Variants in PCNX1 observed in about 807,000 individuals in gnomAD.
The protein encoded by PCNX1 is pecanex-like protein 1.
Under a neutral mutation model 242.2 loss-of-function variants are expected in PCNX1, and 78 were observed. The ratio of observed to expected loss-of-function variants is 0.32; its 90% CI spans 0.27 to 0.39. The LOEUF is 0.39. Among genes scored for constraint, PCNX1 ranks in the 10% least tolerant of loss-of-function variants. PCNX1 has a pLI of 1.00. For missense variants in PCNX1, 2,581 were observed against 2,856.5 expected, an observed-to-expected ratio of 0.90 and a Z score of 2.20; for synonymous variants, 1,024 against 1,032.9, an observed-to-expected ratio of 0.99 and a Z score of 0.17.
Position 71,110,686 on chromosome 14 carries a change from C to A in PCNX1, c.*751C>A, listed in dbSNP as rs2062737968. The A allele has an allele frequency of 1.3e-5, 2 of 152,260 alleles. No individual in the cohort carries two copies. Among genetic ancestry groups the A allele is most frequent in the Admixed American group, 6.6e-5 (1 of 15,262 alleles). The allele number at this position is 152,260 out of a possible 1,614,324, so 9.4% of individuals were successfully genotyped here. ...TTCATGCCAGGACATTGGGTATTTTCTTTAAAGTGAATATAGAATCTCAAG... is the reference window on the plus strand; with the variant it reads ...TTCATGCCAGGACATTGGGTATTTTATTTAAAGTGAATATAGAATCTCAAG... On this transcript the variant is annotated 3_prime_UTR_variant, in exon 36 of 36. Coordinates refer to ENST00000304743, the MANE Select transcript of PCNX1 (RefSeq NM_014982.3).
chr14:71,031,750 A>G (rs2060390571), intron 16 of PCNX1: 1 of 1,248,376 alleles, frequency 8.0e-7, no homozygotes, highest in Non-Finnish European at 1.2e-6. Flanking sequence ...CACATCAACG[A>G]CATTTTTGGG....
intron 2 of PCNX1, among the ~76,000 whole-genome samples, chr14:70,949,414 TGTACATATATAC>T (rs2057684456): frequency 6.6e-6 from 1 of 151,480 alleles, no homozygotes; most frequent in Non-Finnish European, 1.5e-5. Context: ...TACATATATA[TGTACATATATAC>T]ACGTATATAT....
At chr14:71,103,008 T>A (rs1334363870) in intron 31 of PCNX1, among the ~76,000 whole-genome samples, 1 of 152,238 alleles carries the variant, frequency 6.6e-6, no homozygotes, top group Non-Finnish European at 1.5e-5. Flanking sequence ...TTTATAGTTA[T>A]TTTTTAAATT....
chr14:70,994,992 GT>G (rs1159383417), intron 7 of PCNX1, among the ~76,000 whole-genome samples: 1 of 152,086 alleles, frequency 6.6e-6, no homozygotes, highest in Non-Finnish European at 1.5e-5. Flanking sequence ...ATGGATCCAT[GT>G]AAATGAGACT....
Position 71,110,700 on chromosome 14 carries a change from T to C in PCNX1, c.*765T>C, listed in dbSNP as rs576776053. The C allele has an allele frequency of 2.0e-4, 31 of 152,520 alleles. No individual in the cohort carries two copies. The highest frequency in any genetic ancestry group is 5.3e-4 in the African/African-American group (22 of 41,578). 9.4% of individuals were successfully genotyped at this position (152,520 alleles called of 1,614,324 possible). A position where few individuals can be genotyped will look rare whatever the true frequency, so the allele number is the denominator to read the frequency against. ...TTGGGTATTTTCTTTAAAGTGAATA[T>C]AGAATCTCAAGATATACGTAGCTTC... On this transcript the variant is annotated 3_prime_UTR_variant, in exon 36 of 36. Coordinates refer to ENST00000304743, the MANE Select transcript of PCNX1 (RefSeq NM_014982.3).
chr14:71,070,669 G>A (rs1341663606), intron 26 of PCNX1, among the ~76,000 whole-genome samples: 2 of 152,128 alleles, frequency 1.3e-5, no homozygotes, highest in Admixed American at 1.3e-4. Context: ...AGTAAACCAT[G>A]CTATAAACAG....
chr14:70,928,277 A>T (rs918693040), intron 1 of PCNX1, among the ~76,000 whole-genome samples: 1 of 152,234 alleles, frequency 6.6e-6, no homozygotes. Context: ...TTAAAACAAT[A>T]ACCTAGCTGC....
At chr14:71,005,204 A>T (rs2059618636) in intron 8 of PCNX1, among the ~76,000 whole-genome samples, 2 of 152,154 alleles carry the variant, frequency 1.3e-5, no homozygotes. Context: ...AAAATGAGTG[A>T]TGTCAAGAAT....
At chr14:71,067,961 G>GT (rs1414361716) in intron 26 of PCNX1, among the ~76,000 whole-genome samples, 7 of 151,890 alleles carry the variant, frequency 4.6e-5, no homozygotes, top group Non-Finnish European at 1.0e-4. Context: ...TTTCTAATTA[G>GT]TTGTAGCACA....
intron 1 of PCNX1, among the ~76,000 whole-genome samples, chr14:70,937,923 T>G (rs1421372660): frequency 1.3e-5 from 2 of 152,224 alleles, no homozygotes; most frequent in African/African-American, 4.8e-5. Flanking sequence ...ATTCATGATT[T>G]GGCTCTCTGT....
At position 71,076,274 on chromosome 14, in the gene PCNX1, C is replaced by T; in HGVS notation, c.5192C>T (p.Ala1731Val). ...ETMQEGLRLC[A>V]DRNYVDVDPT... Reference sequence around the variant, plus strand: ...ATGCAGGAAGGACTTCGTCTGTGTGCTGATCGCAATTATGTCGATGTGGAC... The same window carrying T: ...ATGCAGGAAGGACTTCGTCTGTGTGTTGATCGCAATTATGTCGATGTGGAC... Residue 1731 changes from alanine (A) to valine (V), a missense_variant, in exon 28 of 36, where the codon GCT becomes GTT. Physicochemically the swap from Ala to Val is moderately conservative, Grantham distance 64. This residue lies in a region of PCNX1 where 298 missense variants were observed against 480.1 expected (regional missense o/e 0.62). Transcript: ENST00000304743. 1 of 1,613,854 alleles carries T rather than the reference C, an allele frequency of 6.2e-7. No homozygotes were observed. Among genetic ancestry groups the T allele is most frequent in the Non-Finnish European group, 8.5e-7 (1 of 1,179,846 alleles).
chr14:70,925,747 A>T (rs2056565821), intron 1 of PCNX1, among the ~76,000 whole-genome samples: 1 of 152,058 alleles, frequency 6.6e-6, no homozygotes, highest in African/African-American at 2.4e-5. Flanking sequence ...AAATGTTCTC[A>T]TTTAATCCTC....
intron 7 of PCNX1, among the ~76,000 whole-genome samples, chr14:70,989,478 ATC>A (rs1460395811): frequency 6.6e-6 from 1 of 151,898 alleles, no homozygotes; most frequent in Non-Finnish European, 1.5e-5. Flanking sequence ...AAATATAAAA[ATC>A]TATCCAAAAG....
At chr14:70,929,184 A>G (rs2056697643) in intron 1 of PCNX1, among the ~76,000 whole-genome samples, 1 of 151,674 alleles carries the variant, frequency 6.6e-6, no homozygotes, top group East Asian at 1.9e-4. Flanking sequence ...TGTTCTCTAC[A>G]GTGATCTAAA....
In PCNX1 at chr14:70,995,752, G is replaced by T. The variant is rs1259134060; in HGVS notation, c.2456G>T (p.Gly819Val). The change falls in exon 8 of 36, where the codon GGT becomes GTT. Residue 819 changes from glycine (G) to valine (V), a missense_variant. By Grantham distance (109) the Gly-to-Val change is moderately radical. This residue lies in a region of PCNX1 where 1,204 missense variants were observed against 1,216.7 expected (regional missense o/e 0.99). Coordinates refer to ENST00000304743, the MANE Select transcript of PCNX1 (RefSeq NM_014982.3). ...LIGSPLSLQD[G>V]QQGQQSTAQV... ...ATGTTTTTTCCTAGCCTTCAAGATG[G>T]TCAGCAAGGCCAGCAGTCCACAGCC... 4 of 1,613,878 alleles carry T rather than the reference G, an allele frequency of 2.5e-6. No individual in the cohort carries two copies. The highest frequency in any genetic ancestry group is 1.7e-5 in the Admixed American group (1 of 59,998).
chr14:71,033,924 C>T lies in PCNX1; in HGVS notation c.3669-7C>T, dbSNP rs1200388398. The T allele has an allele frequency of 6.9e-7, 1 of 1,455,318 alleles. No homozygotes were observed. The highest frequency in any genetic ancestry group is 9.5e-7 in the Non-Finnish European group (1 of 1,052,238). 90.2% of individuals were successfully genotyped at this position (1,455,318 alleles called of 1,614,324 possible). A position where few individuals can be genotyped will look rare whatever the true frequency, so the allele number is the denominator to read the frequency against. Reference sequence around the variant, plus strand: ...TGTATTTTCTGTTTTTTTTTCTTCACATAAAGCTCTTTAGTGCAATCCAAG... The same window carrying T: ...TGTATTTTCTGTTTTTTTTTCTTCATATAAAGCTCTTTAGTGCAATCCAAG... On this transcript the variant is annotated splice_polypyrimidine_tract_variant and splice_region_variant and intron_variant, in intron 17 of 35. Coordinates refer to ENST00000304743, the MANE Select transcript of PCNX1 (RefSeq NM_014982.3).
At chr14:71,068,376 A>T (rs1004518607) in intron 26 of PCNX1, among the ~76,000 whole-genome samples, 4 of 150,584 alleles carry the variant, frequency 2.7e-5, no homozygotes, top group South Asian at 2.1e-4. Flanking sequence ...ACATGTATAC[A>T]TATATGTGTG....
chr14:71,043,500 T>TCCCC (rs2060771673), intron 19 of PCNX1, among the ~76,000 whole-genome samples: 1 of 142,126 alleles, frequency 7.0e-6, no homozygotes, highest in African/African-American at 2.5e-5. Flanking sequence ...CCTCTCTCCC[T>TCCCC]CCCTCCCTCC....
At chr14:70,993,217 T>C (rs926421767) in intron 7 of PCNX1, among the ~76,000 whole-genome samples, 1 of 151,122 alleles carries the variant, frequency 6.6e-6, no homozygotes, top group Non-Finnish European at 1.5e-5. Context: ...GCCTCCCGGG[T>C]TCACGCCATT....
Sources: gnomAD v4.1 joint callset for allele counts (sites outside exome capture counted in the v4.1 genomes callset) on GRCh38, gnomAD v4.1.1 for gene constraint, gnomAD v4.1.1 regional missense constraint, MANE v1.5 for transcripts, NCBI Gene and HGNC (gene_info 2026-07-23, HGNC 2026-07-21) for gene names.